MAD1L1: variants seen among roughly 807,000 people sequenced by gnomAD.
MAD1L1 encodes the protein mitotic arrest deficient 1 like 1.
MAD1L1 carries 95 observed loss-of-function variants against 96.9 expected under a neutral mutation model. That is an observed-to-expected ratio of 0.98 (90% confidence interval 0.83 to 1.16). The LOEUF (loss-of-function observed/expected upper bound fraction) is 1.16. MAD1L1 is among the 50% of genes most tolerant of loss of function. The probability of loss-of-function intolerance (pLI) is 0.00; values close to 1 mark genes in which losing one functional copy is unlikely to be tolerated. For missense variants in MAD1L1, 1,007 were observed against 954.4 expected (o/e 1.06, Z -0.73); for synonymous variants, 473 against 396.6 (o/e 1.19, Z -2.29).
chr7:2,225,291 G>A, intron 4 of MAD1L1, 119 bp downstream of exon 4: 1 of 852,964 alleles, frequency 1.2e-6, no homozygotes, highest in Non-Finnish European at 1.8e-6. Context: ...CAGGTACCAT[G>A]CACAGCCCCC....
At chr7:1,911,952 G>T (rs761749270) in intron 17 of MAD1L1, among the ~76,000 whole-genome samples, 1 of 152,234 alleles carries the variant, frequency 6.6e-6, no homozygotes, top group South Asian at 2.1e-4. Context: ...TGTCCAACCC[G>T]CCCTCCATGC....
chr7:2,110,579 C>T (rs1051469657), intron 11 of MAD1L1, among the ~76,000 whole-genome samples: 3 of 152,326 alleles, frequency 2.0e-5, no homozygotes, highest in Non-Finnish European at 4.4e-5. Flanking sequence ...CTCAGACGTG[C>T]GGCAGATGAA....
intron 17 of MAD1L1, among the ~76,000 whole-genome samples, chr7:1,909,497 T>C (rs1186827851): frequency 6.6e-6 from 1 of 152,216 alleles, no homozygotes; most frequent in African/African-American, 2.4e-5. Context: ...GCGATTTGTA[T>C]CCGGGTCCTG....
intron 16 of MAD1L1, among the ~76,000 whole-genome samples, chr7:1,952,414 C>T (rs1439809495): frequency 6.6e-6 from 1 of 152,202 alleles, no homozygotes; most frequent in Non-Finnish European, 1.5e-5. Context: ...AACGTGGGTC[C>T]CTGGGGCCCC....
intron 9 of MAD1L1, among the ~76,000 whole-genome samples, chr7:2,215,040 T>C (rs1333281991): frequency 6.6e-6 from 1 of 151,982 alleles, no homozygotes; most frequent in Non-Finnish European, 1.5e-5. Flanking sequence ...AGGACCAGCC[T>C]AGGCAACACA....
rs201065033 is a variant in MAD1L1 at position 2,014,532 on chromosome 7, C to T, written c.1329G>A (p.Gln443=). The T allele has an allele frequency of 3.7e-5, 59 of 1,608,300 alleles. No homozygotes were observed. Among genetic ancestry groups the T allele is most frequent in the Non-Finnish European group, 2.5e-6 (3 of 1,179,520 alleles). Residue 443 remains glutamine, a synonymous_variant, in exon 13 of 19, where the codon CAG becomes CAA. Coordinates refer to ENST00000265854, the MANE Select transcript of MAD1L1 (RefSeq NM_001013836.2). ...RRMREAEDMV[Q]KVHSHSAEME... is the part of the protein sequence containing the mutation. Reference sequence around the variant, plus strand: ...TCTCGGCGCTGTGGCTGTGCACCTTCTGCACCATATCCTCAGCCTCCCGCA... The same window carrying T: ...TCTCGGCGCTGTGGCTGTGCACCTTTTGCACCATATCCTCAGCCTCCCGCA...
chr7:2,103,814 G>A lies in MAD1L1; in HGVS notation c.1074-34476C>T, dbSNP rs1786944839. On this transcript the variant is annotated intron_variant, in intron 11 of 18. Coordinates refer to ENST00000265854, the MANE Select transcript of MAD1L1 (RefSeq NM_001013836.2). This position sits in a 1 kb window ranked among gnomAD's most constrained non-coding sequence, Gnocchi z 4.3. ...GTCCCTCCGCATCCCCAGGCAGAGG[G>A]ACAGTCTCACAGGTGGTGTCCGGAC... Among the ~76,000 whole-genome samples the A allele has an allele frequency of 6.6e-6, 1 of 152,222 alleles. No individual in the cohort carries two copies.
intron 11 of MAD1L1, among the ~76,000 whole-genome samples, chr7:2,084,534 A>C (rs1785813621): frequency 6.6e-6 from 1 of 152,236 alleles, no homozygotes; most frequent in Non-Finnish European, 1.5e-5. Flanking sequence ...TGACTGCTGG[A>C]GAGCAGATTA....
intron 18 of MAD1L1, among the ~76,000 whole-genome samples, chr7:1,867,649 G>A (rs1009622899): frequency 6.6e-5 from 10 of 152,198 alleles, no homozygotes; most frequent in Admixed American, 1.3e-4. Context: ...AGGAACCTGC[G>A]CCTGAGGCCT....
chr7:2,184,900 G>A (rs938607155), intron 10 of MAD1L1, among the ~76,000 whole-genome samples: 2 of 152,188 alleles, frequency 1.3e-5, no homozygotes, highest in Non-Finnish European at 1.5e-5. Flanking sequence ...TAGTCGGGAG[G>A]CTGAGGCAGG....
chr7:1,978,264 C>A (rs1780737056), intron 15 of MAD1L1, among the ~76,000 whole-genome samples: 1 of 152,240 alleles, frequency 6.6e-6, no homozygotes, highest in Non-Finnish European at 1.5e-5. Flanking sequence ...TCTCACTACA[C>A]ACTACCCCCT....
chr7:1,841,901 C>T (rs2128633013), intron 18 of MAD1L1, among the ~76,000 whole-genome samples: 1 of 152,306 alleles, frequency 6.6e-6, no homozygotes, highest in South Asian at 2.1e-4. Context: ...GAGGTGCTCC[C>T]TGGCTGAGAA....
At chr7:2,041,368 T>C (rs1783665032) in intron 12 of MAD1L1, among the ~76,000 whole-genome samples, 1 of 147,318 alleles carries the variant, frequency 6.8e-6, no homozygotes, top group Admixed American at 6.8e-5. Flanking sequence ...TCTCCTAGTC[T>C]GGGGCTGGGG....
intron 11 of MAD1L1, among the ~76,000 whole-genome samples, chr7:2,135,466 A>G (rs1262037313): frequency 6.6e-6 from 1 of 152,276 alleles, no homozygotes; most frequent in East Asian, 1.9e-4. Flanking sequence ...GATTATAAAT[A>G]TAATTGTAAA....
At chr7:1,911,071 C>T (rs111733975) in intron 17 of MAD1L1, among the ~76,000 whole-genome samples, 242 of 2,164 alleles carry the variant, frequency 0.11, 2 homozygotes, top group African/African-American at 0.29. Flanking sequence ...TAACTGCAGG[C>T]GTGCCTCATG....
intron 12 of MAD1L1, among the ~76,000 whole-genome samples, chr7:2,030,449 T>C (rs997593999): frequency 1.3e-5 from 2 of 152,242 alleles, no homozygotes; most frequent in African/African-American, 2.4e-5. Context: ...AATGCATTTC[T>C]TGCTTCACTT....
At chr7:2,166,687 C>G (rs185853020) in intron 10 of MAD1L1, among the ~76,000 whole-genome samples, 2 of 152,358 alleles carry the variant, frequency 1.3e-5, no homozygotes, top group Admixed American at 1.3e-4. Flanking sequence ...AGGCCCGCTT[C>G]CGGGAGGCGT....
intron 16 of MAD1L1, among the ~76,000 whole-genome samples, chr7:1,956,216 C>T (rs902936101): frequency 1.3e-4 from 20 of 152,180 alleles, no homozygotes; most frequent in African/African-American, 3.9e-4. Flanking sequence ...GCCTCACCTT[C>T]CCCAGGGCCA....
At chr7:2,084,352 C>G (rs1785804265) in intron 11 of MAD1L1, among the ~76,000 whole-genome samples, 1 of 152,240 alleles carries the variant, frequency 6.6e-6, no homozygotes, top group East Asian at 1.9e-4. Context: ...CCAGGAATGC[C>G]AAGGGCCATG....
Sources: allele counts gnomAD v4.1 joint callset (sites outside exome capture counted in the v4.1 genomes callset), GRCh38; gene constraint gnomAD v4.1.1; non-coding constraint Gnocchi (gnomAD v3.1); transcripts MANE v1.5; gene names NCBI Gene and HGNC (gene_info 2026-07-23, HGNC 2026-07-21).